The following PBX3 variants were observed in gnomAD, a reference collection of about 807,000 sequenced individuals.
PBX3 encodes PBX homeobox 3.
A neutral mutation model predicts 48.5 loss-of-function variants in PBX3; 14 were observed. The observed-to-expected ratio is 0.29, with a 90% confidence interval of 0.19 to 0.45. The LOEUF (loss-of-function observed/expected upper bound fraction) is 0.45, where lower values mean the gene tolerates loss of function less well. PBX3 is among the 20% of genes least tolerant of loss of function. The pLI is 1.00. For missense variants in PBX3, 386 were observed against 546.7 expected (o/e 0.71, Z 2.93); for synonymous variants, 210 against 200.3 (o/e 1.05, Z -0.41).
intron 2 of PBX3, among the ~76,000 whole-genome samples, chr9:125,753,907 G>A (rs570236143): frequency 6.6e-6 from 1 of 151,854 alleles, no homozygotes; most frequent in African/African-American, 2.4e-5. Flanking sequence ...TACTTCTGAG[G>A]CAAATTTAAA....
intron 2 of PBX3, among the ~76,000 whole-genome samples, chr9:125,779,461 T>C (rs1242310173): frequency 7.6e-6 from 1 of 131,686 alleles, no homozygotes; most frequent in Non-Finnish European, 1.6e-5. Flanking sequence ...GTGATGATTC[T>C]TAACGAGCAT....
chr9:125,939,002 AAC>A, intron 5 of PBX3, among the ~76,000 whole-genome samples: 1 of 151,486 alleles, frequency 6.6e-6, no homozygotes, highest in East Asian at 2.0e-4. Context: ...TGTGTATATA[AAC>A]ACACATACAC....
At chr9:125,862,589 G>A (rs144795004) in intron 2 of PBX3, among the ~76,000 whole-genome samples, 3,899 of 152,182 alleles carry the variant, frequency 0.026, 63 homozygotes, top group Middle Eastern at 0.051. Context: ...GTTTCACCAT[G>A]TTGGCCAGGA....
At position 125,872,466 on chromosome 9, in the gene PBX3, A is replaced by G. The variant is rs769454762; in HGVS notation, c.275-43220A>G. ...CACTAGCAGAAGGAAAGGAATAGCTATGTGATATCAGATAAAGTAAACTTG... is the reference window on the plus strand; with the variant it reads ...CACTAGCAGAAGGAAAGGAATAGCTGTGTGATATCAGATAAAGTAAACTTG... On this transcript the variant is annotated intron_variant, in intron 2 of 8. Coordinates refer to ENST00000373489, the MANE Select transcript of PBX3 (RefSeq NM_006195.6). 2.6e-5 allele frequency among the ~76,000 whole-genome samples: 4 copies of G among 152,312 alleles called. No homozygotes were observed. In the East Asian group the frequency reaches 5.8e-4, roughly 22 times the overall value.
chr9:125,856,827 G>A (rs988403527), intron 2 of PBX3, among the ~76,000 whole-genome samples: 1 of 152,214 alleles, frequency 6.6e-6, no homozygotes, highest in East Asian at 1.9e-4. Context: ...ACAGAATATT[G>A]CTTTGAATAT....
chr9:125,832,475 G>A (rs1168227028), intron 2 of PBX3, among the ~76,000 whole-genome samples: 2 of 152,290 alleles, frequency 1.3e-5, no homozygotes, highest in African/African-American at 2.4e-5. Context: ...GATTACAGGC[G>A]TGAGCCCCTG....
intron 2 of PBX3, among the ~76,000 whole-genome samples, chr9:125,833,488 CAAAA>C: frequency 7.2e-6 from 1 of 138,224 alleles, no homozygotes; most frequent in African/African-American, 2.6e-5. Context: ...GACGCTGTCT[CAAAA>C]AAAAAAAAAT....
chr9:125,942,022 T>C (rs928562697), intron 5 of PBX3, among the ~76,000 whole-genome samples: 1 of 152,222 alleles, frequency 6.6e-6, no homozygotes, highest in Non-Finnish European at 1.5e-5. Context: ...CCAGAAATGG[T>C]ATTTATTCAC....
intron 5 of PBX3, among the ~76,000 whole-genome samples, chr9:125,951,203 G>A (rs936077740): frequency 1.3e-5 from 2 of 152,176 alleles, no homozygotes; most frequent in Non-Finnish European, 2.9e-5. Flanking sequence ...TGGAATTCAA[G>A]TTTCCTGCAA....
At chr9:125,823,976 T>C (rs1838735014) in intron 2 of PBX3, among the ~76,000 whole-genome samples, 1 of 151,522 alleles carries the variant, frequency 6.6e-6, no homozygotes, top group South Asian at 2.1e-4. Flanking sequence ...CTCAGGAGGC[T>C]GAGGCAGGAG....
intron 2 of PBX3, among the ~76,000 whole-genome samples, chr9:125,815,861 C>T (rs1295377396): frequency 6.6e-6 from 1 of 152,166 alleles, no homozygotes; most frequent in Non-Finnish European, 1.5e-5. Context: ...ACCTCCTTCT[C>T]ATTGTAGATT....
chr9:125,778,660 A>G (rs1190381641), intron 2 of PBX3, among the ~76,000 whole-genome samples: 1 of 139,764 alleles, frequency 7.2e-6, no homozygotes. Flanking sequence ...TAAAGTTTTA[A>G]CACCTGTGCT....
At chr9:125,881,419 T>G (rs1269057238) in intron 2 of PBX3, among the ~76,000 whole-genome samples, 1 of 152,192 alleles carries the variant, frequency 6.6e-6, no homozygotes, top group Non-Finnish European at 1.5e-5. Context: ...AGGAATTAGT[T>G]GGTAAATTGA....
chr9:125,867,772 A>C (rs1397661333), intron 2 of PBX3, among the ~76,000 whole-genome samples: 1 of 151,890 alleles, frequency 6.6e-6, no homozygotes, highest in African/African-American at 2.4e-5. Flanking sequence ...ATACACACAC[A>C]TATATACACA....
chr9:125,892,836 T>G (rs1411352), intron 2 of PBX3, among the ~76,000 whole-genome samples: 111,084 of 152,128 alleles, frequency 0.73, 40,986 homozygotes, highest in African/African-American at 0.81. Context: ...ATGATTTAGG[T>G]TTGGAGGCTG....
intron 2 of PBX3, among the ~76,000 whole-genome samples, chr9:125,778,201 A>G (rs993206017): frequency 1.3e-5 from 2 of 151,154 alleles, no homozygotes; most frequent in African/African-American, 2.4e-5. Context: ...ACCTCAGGTA[A>G]TCCACTTACC....
intron 2 of PBX3, among the ~76,000 whole-genome samples, chr9:125,909,628 A>G (rs750026995): frequency 1.1e-4 from 16 of 152,122 alleles, no homozygotes; most frequent in South Asian, 6.2e-4. Context: ...AGTGTTCTCT[A>G]TGTTGCCATT....
chr9:125,793,355 G>T (rs1837668059), intron 2 of PBX3, among the ~76,000 whole-genome samples: 1 of 55,130 alleles, frequency 1.8e-5, no homozygotes, highest in Admixed American at 2.0e-4. Flanking sequence ...CCATTTGGGG[G>T]GGAAAAAAAA....
intron 2 of PBX3, among the ~76,000 whole-genome samples, chr9:125,899,454 T>TATATATATAGAG (rs1377456112): frequency 5.8e-5 from 6 of 103,768 alleles, no homozygotes; most frequent in African/African-American, 2.3e-4. Flanking sequence ...TATATATATA[T>TATATATATAGAG]AGAGAGAGAG....
Sources: gnomAD v4.1 joint callset for allele counts (sites outside exome capture counted in the v4.1 genomes callset) on GRCh38, gnomAD v4.1.1 for gene constraint, MANE v1.5 for transcripts, NCBI Gene and HGNC (gene_info 2026-07-23, HGNC 2026-07-21) for gene names.